Variants in ANXA4 observed in about 807,000 individuals in gnomAD.
ANXA4 encodes annexin A4.
In ANXA4, 39 loss-of-function variants were observed where a neutral mutation model predicts 49.8. The ratio of observed to expected loss-of-function variants is 0.78; its 90% CI spans 0.61 to 1.02. The LOEUF (loss-of-function observed/expected upper bound fraction) is 1.02. Ranked by LOEUF, ANXA4 falls within the 50% of genes least tolerant of loss-of-function variation. ANXA4 has a pLI of 0.00. For synonymous variants in ANXA4, 134 were observed against 152.5 expected (o/e 0.88, Z 0.89); for missense variants, 360 against 410.1 (o/e 0.88, Z 1.05).
intron 2 of ANXA4, among the ~76,000 whole-genome samples, chr2:69,680,255 T>C (rs1212481770): frequency 1.3e-5 from 2 of 152,228 alleles, no homozygotes; most frequent in African/African-American, 4.8e-5. Context: ...TCATTTCTCT[T>C]TTGTAGCTAC....
At chr2:69,652,656 C>T (rs1054005608) in intron 1 of ANXA4, among the ~76,000 whole-genome samples, 2 of 151,978 alleles carry the variant, frequency 1.3e-5, no homozygotes, top group East Asian at 1.9e-4. Context: ...GTCAGGCTTT[C>T]GAGACCAGTC....
chr2:69,670,840 C>T (rs1346767994), intron 2 of ANXA4, among the ~76,000 whole-genome samples: 1 of 151,830 alleles, frequency 6.6e-6, no homozygotes, highest in Non-Finnish European at 1.5e-5. Context: ...GCCTGAGCAA[C>T]ATAGTGAGAC....
At chr2:69,817,292 T>A (rs1400330334) in intron 9 of ANXA4, 1 of 152,250 alleles carries the variant, frequency 6.6e-6, no homozygotes, top group Non-Finnish European at 1.5e-5. Context: ...CTGTTTGGAC[T>A]AGGAAAACTT....
At chr2:69,743,940 GT>G (rs1372059617) in intron 1 of ANXA4, among the ~76,000 whole-genome samples, 1 of 152,136 alleles carries the variant, frequency 6.6e-6, no homozygotes, top group Admixed American at 6.5e-5. Flanking sequence ...CCAGTGGCAT[GT>G]TTCTTTGTTT....
At chr2:69,690,103 T>C (rs1677911086) in intron 2 of ANXA4, among the ~76,000 whole-genome samples, 1 of 152,224 alleles carries the variant, frequency 6.6e-6, no homozygotes, top group Non-Finnish European at 1.5e-5. Flanking sequence ...ATGTGAACTG[T>C]GCATAGTATT....
upstream of ANXA4, chr2:69,643,880 G>T (rs1675882518): frequency 8.5e-7 from 1 of 1,174,886 alleles, no homozygotes; most frequent in Admixed American, 4.6e-5. Context: ...TGTCGCCACG[G>T]ATGGGAAGGA....
intron 1 of ANXA4, among the ~76,000 whole-genome samples, chr2:69,771,109 G>GAAAAAAAAAAAAAAAAAAAAAA (rs70954358): frequency 9.5e-6 from 1 of 104,748 alleles, no homozygotes; most frequent in Non-Finnish European, 2.0e-5. Context: ...AAAAAAAAAA[G>GAAAAAAAAAAAAAAAAAAAAAA]AAAAAAAAAA....
At chr2:69,740,680 CT>C (rs3077548), upstream of ANXA4, among the ~76,000 whole-genome samples, 529 of 75,718 alleles carry the variant, frequency 7.0e-3, 1 homozygote, top group South Asian at 0.024. Context: ...CTTTCTTCCT[CT>C]TTTTTTTTTT....
At chr2:69,663,632 C>T (rs1676820901) in intron 2 of ANXA4, among the ~76,000 whole-genome samples, 1 of 151,944 alleles carries the variant, frequency 6.6e-6, no homozygotes, top group South Asian at 2.1e-4. Context: ...ACAGCCACTG[C>T]ACTCTAGCCT....
chr2:69,706,591 C>T (rs540697551), intron 2 of ANXA4, among the ~76,000 whole-genome samples: 7 of 152,062 alleles, frequency 4.6e-5, no homozygotes, highest in South Asian at 4.1e-4. Flanking sequence ...CATGAGCCAC[C>T]GCGCCCAGTC....
Position 69,796,452 on chromosome 2 carries a change from C to G in ANXA4, c.98-8081C>G, listed in dbSNP as rs1573275753. ...TGTTTTTGTGGTTTCCTTCTAATAT[C>G]AGGAGCTGCCTGCTTTTTGGCTGCA... On this transcript the variant is annotated intron_variant, in intron 3 of 12. Transcript: ENST00000394295. 2.0e-5 allele frequency among the ~76,000 whole-genome samples: 3 copies of G among 152,274 alleles called. No homozygotes were observed. The South Asian group carries it at 6.2e-4, about 32-fold the overall frequency.
intron 1 of ANXA4, among the ~76,000 whole-genome samples, chr2:69,763,635 A>G (rs1429094990): frequency 6.6e-6 from 1 of 150,932 alleles, no homozygotes; most frequent in Non-Finnish European, 1.5e-5. Flanking sequence ...TAATTTTTAA[A>G]TACTTCAGTG....
intron 3 of ANXA4, among the ~76,000 whole-genome samples, chr2:69,793,985 A>G (rs1310801931): frequency 6.6e-6 from 1 of 152,266 alleles, no homozygotes; most frequent in Middle Eastern, 3.2e-3. Context: ...AATGCTCTTT[A>G]AGAAAATCCT....
intron 2 of ANXA4, among the ~76,000 whole-genome samples, chr2:69,690,956 A>C (rs556259448): frequency 6.6e-6 from 1 of 152,346 alleles, no homozygotes; most frequent in African/African-American, 2.4e-5. Context: ...ACCAAGAAAT[A>C]ACAATAATGG....
chr2:69,672,301 G>A (rs1022113870), intron 2 of ANXA4, among the ~76,000 whole-genome samples: 5 of 151,482 alleles, frequency 3.3e-5, no homozygotes, highest in East Asian at 2.0e-4. Flanking sequence ...GTGTGATCTC[G>A]GCTCAGTGCA....
intron 1 of ANXA4, among the ~76,000 whole-genome samples, chr2:69,770,512 T>G (rs2105555170): frequency 6.6e-6 from 1 of 152,314 alleles, no homozygotes; most frequent in South Asian, 2.1e-4. Flanking sequence ...GCAGGTCCCT[T>G]CATAATAGGC....
intron 1 of ANXA4, among the ~76,000 whole-genome samples, chr2:69,651,871 A>T (rs533220248): frequency 7.7e-6 from 1 of 129,076 alleles, no homozygotes; most frequent in Non-Finnish European, 1.6e-5. Context: ...GCTGGAGTGC[A>T]GTGGCGTGAT....
rs564576073 is a variant in ANXA4, at chr2:69,816,388, T to C, written c.628+194T>C. The C allele has an allele frequency of 9.9e-6, 5 of 502,642 alleles. No individual in the cohort carries two copies. In the South Asian group the frequency reaches 1.5e-4, roughly 15 times the overall value. 31.1% of individuals were successfully genotyped at this position (502,642 alleles called of 1,614,324 possible). A position where few individuals can be genotyped will look rare whatever the true frequency, so the allele number is the denominator to read the frequency against. ...AAGCTAATTTCTGAAAGATTAATTA[T>C]GAATAATTAGAAAAAGTGCATGTAG... On this transcript the variant is annotated intron_variant, in intron 9 of 12. Transcript: ENST00000394295.
chr2:69,669,966 G>T (rs1342126603), intron 2 of ANXA4, among the ~76,000 whole-genome samples: 1 of 152,194 alleles, frequency 6.6e-6, no homozygotes, highest in Non-Finnish European at 1.5e-5. Flanking sequence ...TCTGGGAAGA[G>T]TTGGGGGGAA....
Sources: gnomAD v4.1 joint callset for allele counts (sites outside exome capture counted in the v4.1 genomes callset) on GRCh38, gnomAD v4.1.1 for gene constraint, MANE v1.5 for transcripts, NCBI Gene and HGNC (gene_info 2026-07-23, HGNC 2026-07-21) for gene names.